Variants in SLC1A1 observed in about 807,000 individuals in gnomAD.
SLC1A1 encodes excitatory amino acid transporter 3.
A neutral mutation model predicts 53.3 loss-of-function variants in SLC1A1; 43 were observed. The ratio of observed to expected loss-of-function variants is 0.81; its 90% CI spans 0.63 to 1.04. The LOEUF (loss-of-function observed/expected upper bound fraction) is 1.04. Ranked by LOEUF, SLC1A1 falls within the 50% of genes least tolerant of loss-of-function variation. The pLI is 0.00. For missense variants in SLC1A1, 748 were observed against 664.9 expected (o/e 1.12, Z -1.37); for synonymous variants, 307 against 243.2 (o/e 1.26, Z -2.44).
chr9:4,580,651 G>GTGTGTATA (rs370378540), intron 10 of SLC1A1, among the ~76,000 whole-genome samples: 16 of 118,840 alleles, frequency 1.3e-4, no homozygotes, highest in Admixed American at 6.8e-4. Context: ...GTGTGTGTGT[G>GTGTGTATA]TATAAGGAAT....
intron 1 of SLC1A1, among the ~76,000 whole-genome samples, chr9:4,532,363 C>A (rs1257618294): frequency 6.6e-6 from 1 of 151,874 alleles, no homozygotes; most frequent in Non-Finnish European, 1.5e-5. Context: ...CAGAGAAGTC[C>A]TTAAAGGACC....
chr9:4,543,330 C>T (rs931582085), intron 1 of SLC1A1, among the ~76,000 whole-genome samples: 3 of 151,760 alleles, frequency 2.0e-5, no homozygotes, highest in Non-Finnish European at 2.9e-5. Context: ...CAACAGAGGC[C>T]GATGAAGGAA....
intron 1 of SLC1A1, among the ~76,000 whole-genome samples, chr9:4,518,786 C>G (rs922531154): frequency 7.2e-5 from 11 of 152,172 alleles, no homozygotes; most frequent in Admixed American, 7.2e-4. Context: ...GGGAGAGGCA[C>G]AAGTGACAGG....
At chr9:4,501,577 C>A (rs533952702) in intron 1 of SLC1A1, among the ~76,000 whole-genome samples, 2 of 151,502 alleles carry the variant, frequency 1.3e-5, no homozygotes, top group Admixed American at 1.3e-4. Context: ...CCAGCCTGAC[C>A]AACATGGAGA....
chr9:4,525,562 G>A (rs1328486183), intron 1 of SLC1A1, among the ~76,000 whole-genome samples: 2 of 152,012 alleles, frequency 1.3e-5, no homozygotes, highest in African/African-American at 4.8e-5. Context: ...TGATAGAACA[G>A]TCTGAAATAA....
intron 10 of SLC1A1, among the ~76,000 whole-genome samples, chr9:4,581,158 A>C (rs921544041): frequency 2.0e-5 from 3 of 152,200 alleles, no homozygotes; most frequent in Non-Finnish European, 2.9e-5. Context: ...GGTAGAGCCC[A>C]AAGTACATCA....
intron 1 of SLC1A1, among the ~76,000 whole-genome samples, chr9:4,508,028 C>G (rs141976084): frequency 6.6e-6 from 1 of 152,160 alleles, no homozygotes; most frequent in African/African-American, 2.4e-5. Flanking sequence ...CAGGGCCTCT[C>G]CAAACCGTAC....
In SLC1A1 at chr9:4,583,691, A is replaced by C. The variant is rs1345116233; in HGVS notation, c.1328+519A>C. Among the ~76,000 whole-genome samples, 1 of 152,188 alleles carries C rather than the reference A, an allele frequency of 6.6e-6. No homozygotes were observed. Among genetic ancestry groups the C allele is most frequent in the Non-Finnish European group, 1.5e-5 (1 of 68,034 alleles). On this transcript the variant is annotated intron_variant, in intron 11 of 11. Coordinates refer to ENST00000262352, the MANE Select transcript of SLC1A1 (RefSeq NM_004170.6). This position sits in a 1 kb window ranked among gnomAD's most constrained non-coding sequence, Gnocchi z 4.6. ...CCAGTTGCATAATCTGTGAGATGGG[A>C]AAAAATCTGCCTATGTCATTGGGTT...
chr9:4,528,529 T>C (rs1171039599), intron 1 of SLC1A1, among the ~76,000 whole-genome samples: 1 of 152,042 alleles, frequency 6.6e-6, no homozygotes, highest in Non-Finnish European at 1.5e-5. Context: ...TGAGCCAAGA[T>C]CACGCCACTG....
intron 6 of SLC1A1, 38 bp from the exon 7 acceptor site, chr9:4,572,166 A>G (rs1202481123): frequency 2.6e-6 from 4 of 1,551,672 alleles, no homozygotes. Context: ...CAAGATTATA[A>G]TCGTGCATCA....
intron 1 of SLC1A1, among the ~76,000 whole-genome samples, chr9:4,508,723 T>C (rs1466064197): frequency 6.6e-6 from 1 of 152,222 alleles, no homozygotes; most frequent in East Asian, 1.9e-4. Flanking sequence ...TCAGTGATTT[T>C]CTCCTGCCTT....
chr9:4,530,179 G>GA (rs1787569322), intron 1 of SLC1A1, among the ~76,000 whole-genome samples: 1 of 152,042 alleles, frequency 6.6e-6, no homozygotes, highest in Non-Finnish European at 1.5e-5. Context: ...AGTGGAACAT[G>GA]CAAAAAGAGG....
chr9:4,504,053 G>A (rs567678397), intron 1 of SLC1A1, among the ~76,000 whole-genome samples: 1 of 152,340 alleles, frequency 6.6e-6, no homozygotes, highest in African/African-American at 2.4e-5. Flanking sequence ...TTTATTGTGA[G>A]CACTGCATGA....
intron 2 of SLC1A1, chr9:4,559,958 C>G (rs1198778378): frequency 6.6e-6 from 1 of 152,138 alleles, no homozygotes; most frequent in African/African-American, 2.4e-5. Context: ...AGGCGGGATG[C>G]CTGCCTTCCA....
intron 6 of SLC1A1, among the ~76,000 whole-genome samples, chr9:4,571,060 A>G (rs1819987635): frequency 6.6e-6 from 1 of 152,220 alleles, no homozygotes; most frequent in African/African-American, 2.4e-5. Context: ...TTTAAAAAGA[A>G]CAAGATCATG....
chr9:4,567,692 G>A lies in SLC1A1; in HGVS notation c.507G>A (p.Val169=), dbSNP rs762773852. Residue 169 remains valine (V), a synonymous_variant, in exon 6 of 12, where the codon GTG becomes GTA. Coordinates refer to ENST00000262352, the MANE Select transcript of SLC1A1 (RefSeq NM_004170.6). ...FQQYKTKREE[V]KPPSDPEMNM... The stretch of plus-strand genomic sequence containing the variant: ...AGTACAAAACTAAGCGTGAAGAAGT[G>A]AAGCCTCCCAGCGATCCAGAGATGA... The A allele has an allele frequency of 6.1e-5, 98 of 1,612,890 alleles. No homozygotes were observed. Among genetic ancestry groups the A allele is most frequent in the Non-Finnish European group, 8.1e-5 (95 of 1,179,152 alleles).
intron 1 of SLC1A1, among the ~76,000 whole-genome samples, chr9:4,543,528 A>C (rs1253953508): frequency 6.6e-6 from 1 of 152,234 alleles, no homozygotes; most frequent in Non-Finnish European, 1.5e-5. Context: ...GAAGGATTTC[A>C]ATATGGGCAT....
At chr9:4,519,216 T>C (rs1238447354) in intron 1 of SLC1A1, among the ~76,000 whole-genome samples, 18 of 152,238 alleles carry the variant, frequency 1.2e-4, no homozygotes, top group Admixed American at 1.2e-3. Context: ...CCATAACTAT[T>C]TGTATAATTT....
At chr9:4,572,177 A>G (rs973432693) in intron 6 of SLC1A1, 27 bp from the exon 7 acceptor site, 2 of 1,594,352 alleles carry the variant, frequency 1.3e-6, no homozygotes, top group Non-Finnish European at 1.7e-6. Context: ...TCGTGCATCA[A>G]TATGTTTTCT....
Sources: gnomAD v4.1 joint callset for allele counts (sites outside exome capture counted in the v4.1 genomes callset) on GRCh38, gnomAD v4.1.1 for gene constraint, Gnocchi (gnomAD v3.1) non-coding constraint, MANE v1.5 for transcripts, NCBI Gene and HGNC (gene_info 2026-07-23, HGNC 2026-07-21) for gene names.